The following FRYL variants were observed in gnomAD, a reference collection of about 807,000 sequenced individuals.
FRYL encodes protein furry homolog-like.
FRYL carries 150 observed loss-of-function variants against 351.2 expected under a neutral mutation model. The ratio of observed to expected loss-of-function variants is 0.43; its 90% confidence interval spans 0.37 to 0.49. The LOEUF (loss-of-function observed/expected upper bound fraction) is 0.49. Ranked by LOEUF, FRYL falls within the 20% of genes least tolerant of loss-of-function variation. The pLI, the probability that FRYL is intolerant of heterozygous loss-of-function variation, is 0.00. For missense variants in FRYL, 3,036 were observed against 3,619.3 expected, an observed-to-expected ratio of 0.84 and a Z score of 4.13; for synonymous variants, 1,153 against 1,257.1, an observed-to-expected ratio of 0.92 and a Z score of 1.75.
In FRYL at chr4:48,540,457, A is replaced by G; in HGVS notation, c.6191T>C (p.Leu2064Pro). 1.2e-6 allele frequency: 2 copies of G among 1,614,064 alleles called. No individual in the cohort carries two copies. The highest frequency in any genetic ancestry group is 1.7e-6 in the Non-Finnish European group (2 of 1,179,936). Residue 2064 changes from leucine (L) to proline (P), a missense_variant, in exon 46 of 64, where the codon CTT (leucine) becomes CCT (proline). Physicochemically the swap from Leu to Pro is moderately conservative, Grantham distance 98. This residue lies in a region of FRYL where 1,987 missense variants were observed against 2,311.7 expected (regional missense o/e 0.86). Coordinates refer to ENST00000358350, the MANE Select transcript of FRYL (RefSeq NM_015030.2). ...TNFPGLQQLFLKGFTSASTQE... is the reference protein window; with the variant it reads ...TNFPGLQQLFPKGFTSASTQE... The stretch of plus-strand genomic sequence containing the variant: ...TGTAGATGCTGAGGTAAAACCCTTA[A>G]GGAAGAGCTGCTGAAGTCCTGGAAA...
intron 1 of FRYL, among the ~76,000 whole-genome samples, chr4:48,712,436 G>C (rs1348619546): frequency 6.6e-6 from 1 of 152,196 alleles, no homozygotes; most frequent in Non-Finnish European, 1.5e-5. Context: ...AGCCTCAAGA[G>C]CCGATGCGAT....
rs1289992928 is a variant in FRYL, at chr4:48,550,715, G to A, written c.4521-11C>T. The A allele has an allele frequency of 1.3e-6, 2 of 1,547,592 alleles. No homozygotes were observed. The highest frequency in any genetic ancestry group is 2.2e-5 in the East Asian group (1 of 44,570). ...TCCAGGTGCACATAGCTATGGGAAT[G>A]ATCACTGAAGTTAGTCACAGTTCAC... On this transcript the variant is annotated splice_polypyrimidine_tract_variant and intron_variant, in intron 37 of 63. Coordinates refer to ENST00000358350, the MANE Select transcript of FRYL (RefSeq NM_015030.2).
intron 53 of FRYL, 53 bp from the exon 54 acceptor site, chr4:48,523,157 A>G: frequency 8.2e-7 from 1 of 1,218,756 alleles, no homozygotes; most frequent in South Asian, 1.3e-5. Context: ...TTCTAAATGT[A>G]CTAAATGTAA....
intron 3 of FRYL, among the ~76,000 whole-genome samples, chr4:48,674,754 A>AAAAAAAAAAAAG (rs1763296100): frequency 1.3e-5 from 2 of 151,112 alleles, no homozygotes; most frequent in African/African-American, 2.4e-5. Context: ...AAAAAAAAAA[A>AAAAAAAAAAAAG]AAATAGCAAC....
intron 1 of FRYL, among the ~76,000 whole-genome samples, chr4:48,718,373 AT>A (rs1769100877): frequency 6.6e-6 from 1 of 151,616 alleles, no homozygotes; most frequent in African/African-American, 2.4e-5. Context: ...TCATACACGT[AT>A]AAATATTTAA....
At chr4:48,773,046 A>C (rs1409107254) in intron 1 of FRYL, among the ~76,000 whole-genome samples, 1 of 152,224 alleles carries the variant, frequency 6.6e-6, no homozygotes, top group South Asian at 2.1e-4. Context: ...CACTCAAAAT[A>C]GTCTTAAAAA....
chr4:48,766,111 C>T (rs1774913600), intron 1 of FRYL, among the ~76,000 whole-genome samples: 1 of 152,184 alleles, frequency 6.6e-6, no homozygotes, highest in Non-Finnish European at 1.5e-5. Context: ...CCAAATGATC[C>T]AGCAATTTCA....
At chr4:48,587,829 G>A (rs1465249225) in intron 18 of FRYL, among the ~76,000 whole-genome samples, 4 of 152,202 alleles carry the variant, frequency 2.6e-5, no homozygotes, top group Non-Finnish European at 5.9e-5. Context: ...ACAGGCATGA[G>A]TCACCGCGCC....
intron 3 of FRYL, among the ~76,000 whole-genome samples, chr4:48,672,548 T>A (rs138526249): frequency 5.1e-4 from 78 of 152,360 alleles, no homozygotes; most frequent in Non-Finnish European, 9.7e-4. Context: ...AAAGAAGTCC[T>A]GACCTCCTTC....
In FRYL at chr4:48,548,771, A is replaced by G. The variant is rs1732007359; in HGVS notation, c.4807T>C (p.Leu1603=). The change falls in exon 40 of 64, where the codon TTG becomes CTG. Residue 1603 remains leucine, a synonymous_variant. Transcript: ENST00000358350. ...LHRCNIAVIL[L]TDLIIDHSVK... ...CTATGATCAATGATGAGATCAGTCA[A>G]AAGGATCACTGCTATGTTACACCTA... 6.2e-7 allele frequency: 1 copy of G among 1,608,558 alleles called. No homozygotes were observed. The highest frequency in any genetic ancestry group is 1.7e-5 in the Admixed American group (1 of 59,896).
rs113121585 is a variant in FRYL at position 48,507,849 on chromosome 4, T to A, written c.8394+2210A>T. 4.1e-3 allele frequency among the ~76,000 whole-genome samples: 631 copies of A among 152,266 alleles called. 4 individuals are homozygous for A. The highest frequency in any genetic ancestry group is 0.014 in the African/African-American group (585 of 41,550). ...ACACTTGCTGTTCCTGTTTATTATC[T>A]GCAGGGGGAGAGGCTACAAAACCAC... On this transcript the variant is annotated intron_variant, in intron 59 of 63. Coordinates refer to ENST00000358350, the MANE Select transcript of FRYL (RefSeq NM_015030.2).
At chr4:48,749,214 G>A (rs773131533) in intron 1 of FRYL, among the ~76,000 whole-genome samples, 6 of 152,124 alleles carry the variant, frequency 3.9e-5, no homozygotes, top group Admixed American at 6.5e-5. Flanking sequence ...GAATCACTCC[G>A]GCTACTGAAA....
intron 13 of FRYL, among the ~76,000 whole-genome samples, chr4:48,597,631 AAC>A (rs1404211996): frequency 6.6e-6 from 1 of 152,220 alleles, no homozygotes; most frequent in African/African-American, 2.4e-5. Context: ...CACATGAAAT[AAC>A]ACTTTCATAT....
intron 1 of FRYL, among the ~76,000 whole-genome samples, chr4:48,739,568 A>C (rs181204369): frequency 4.3e-4 from 65 of 152,190 alleles, no homozygotes; most frequent in African/African-American, 1.4e-3. Context: ...CAAAAAAAAA[A>C]CTCAAAATGA....
intron 3 of FRYL, among the ~76,000 whole-genome samples, chr4:48,670,295 T>C (rs1762441321): frequency 6.6e-6 from 1 of 151,864 alleles, no homozygotes; most frequent in South Asian, 2.1e-4. Context: ...TAGCTGGGCA[T>C]GGTGGCACAC....
chr4:48,617,182 A>G (rs181548554), intron 7 of FRYL, among the ~76,000 whole-genome samples: 96 of 152,198 alleles, frequency 6.3e-4, no homozygotes, highest in African/African-American at 2.1e-3. Context: ...AGTAGAAAGG[A>G]TACTATAGGT....
At chr4:48,688,195 C>G (rs1465242297) in intron 2 of FRYL, among the ~76,000 whole-genome samples, 1 of 152,172 alleles carries the variant, frequency 6.6e-6, no homozygotes, top group African/African-American at 2.4e-5. Flanking sequence ...TCCTGCCATT[C>G]TACTAAAATT....
At chr4:48,690,547 C>G (rs546046534) in intron 2 of FRYL, among the ~76,000 whole-genome samples, 2 of 152,102 alleles carry the variant, frequency 1.3e-5, no homozygotes, top group Non-Finnish European at 2.9e-5. Flanking sequence ...GATACGCCCA[C>G]GAGAAACACA....
intron 18 of FRYL, 23 bp from the exon 19 acceptor site, chr4:48,586,751 A>C (rs776305126): frequency 6.9e-7 from 1 of 1,454,630 alleles, no homozygotes; most frequent in Non-Finnish European, 9.6e-7. Context: ...ACAGGATTTA[A>C]TAAGAAACAT....
Sources: gnomAD v4.1 joint callset for allele counts (sites outside exome capture counted in the v4.1 genomes callset) on GRCh38, gnomAD v4.1.1 for gene constraint, gnomAD v4.1.1 regional missense constraint, MANE v1.5 for transcripts, NCBI Gene and HGNC (gene_info 2026-07-23, HGNC 2026-07-21) for gene names.